The following WDFY3 variants were observed in gnomAD, a reference collection of about 807,000 sequenced individuals.
WDFY3 encodes WD repeat and FYVE domain containing 3.
Under a neutral mutation model 409.6 loss-of-function variants are expected in WDFY3, and 66 were observed. The ratio of observed to expected loss-of-function variants is 0.16; its 90% CI spans 0.13 to 0.20. The LOEUF (loss-of-function observed/expected upper bound fraction) is 0.20. WDFY3 is among the 10% of genes least tolerant of loss of function. WDFY3 has a pLI of 1.00. For missense variants in WDFY3, 3,031 were observed against 4,298.1 expected (o/e 0.71, Z 8.24); for synonymous variants, 1,521 against 1,537.1 (o/e 0.99, Z 0.25).
At chr4:84,830,226 A>G (rs1313362765) in intron 8 of WDFY3, among the ~76,000 whole-genome samples, 1 of 152,180 alleles carries the variant, frequency 6.6e-6, no homozygotes, top group Non-Finnish European at 1.5e-5. Flanking sequence ...CAACTTGATG[A>G]TTTGACTTAA....
At chr4:84,921,858 T>C (rs1298147358) in intron 2 of WDFY3, among the ~76,000 whole-genome samples, 2 of 151,748 alleles carry the variant, frequency 1.3e-5, no homozygotes, top group Non-Finnish European at 2.9e-5. Context: ...GGTTTCACCA[T>C]CTTAGCCAGG....
intron 2 of WDFY3, among the ~76,000 whole-genome samples, chr4:84,916,882 A>G (rs1768561902): frequency 6.6e-6 from 1 of 152,172 alleles, no homozygotes; most frequent in Non-Finnish European, 1.5e-5. Context: ...GCAAACATCT[A>G]TAAGCTCTTT....
intron 64 of WDFY3, 71 bp downstream of exon 64, chr4:84,682,303 A>C: frequency 1.4e-6 from 2 of 1,417,466 alleles, no homozygotes; most frequent in Non-Finnish European, 2.0e-6. Flanking sequence ...GTTGTTTGGT[A>C]TAAGCTTATC....
At chr4:84,957,607 A>C (rs1774404795) in intron 1 of WDFY3, among the ~76,000 whole-genome samples, 1 of 152,226 alleles carries the variant, frequency 6.6e-6, no homozygotes, top group Non-Finnish European at 1.5e-5. Context: ...TCACAGTTTT[A>C]TGACCCTAAT....
At chr4:84,680,542 C>T (rs2148765725) in intron 64 of WDFY3, among the ~76,000 whole-genome samples, 1 of 152,296 alleles carries the variant, frequency 6.6e-6, no homozygotes, top group Admixed American at 6.5e-5. Context: ...TTCTTCACAT[C>T]AACTCTCTAC....
chr4:84,714,035 G>C (rs1388932451), intron 50 of WDFY3, among the ~76,000 whole-genome samples: 1 of 151,924 alleles, frequency 6.6e-6, no homozygotes, highest in African/African-American at 2.4e-5. Context: ...AAAATTGCTT[G>C]AACCTGGGAG....
chr4:84,741,976 C>A, intron 37 of WDFY3, 55 bp from the exon 38 acceptor site: 1 of 1,460,956 alleles, frequency 6.8e-7, no homozygotes, highest in South Asian at 1.4e-5. Flanking sequence ...CAACACAGGA[C>A]CAGATCCTCA....
intron 2 of WDFY3, among the ~76,000 whole-genome samples, chr4:84,920,443 T>C (rs1361832685): frequency 1.3e-5 from 2 of 152,176 alleles, no homozygotes; most frequent in Non-Finnish European, 2.9e-5. Flanking sequence ...AAAGAATAAA[T>C]GTATGCATGC....
intron 15 of WDFY3, among the ~76,000 whole-genome samples, chr4:84,804,354 T>C (rs948980642): frequency 1.3e-5 from 2 of 152,214 alleles, no homozygotes; most frequent in Non-Finnish European, 2.9e-5. Context: ...AATGCAGTTT[T>C]AGCTCTCTGG....
chr4:84,832,466 T>C (rs144549891), intron 7 of WDFY3, among the ~76,000 whole-genome samples: 1 of 152,298 alleles, frequency 6.6e-6, no homozygotes, highest in African/African-American at 2.4e-5. Context: ...TATTTTTAAA[T>C]AGGTAGAAGA....
chr4:84,902,692 T>A (rs1428073441), intron 2 of WDFY3, among the ~76,000 whole-genome samples: 1 of 152,242 alleles, frequency 6.6e-6, no homozygotes, highest in African/African-American at 2.4e-5. Flanking sequence ...TTGATATTCC[T>A]ACTTTTAAAA....
At chr4:84,943,704 AAAAAC>A (rs1172044594) in intron 1 of WDFY3, among the ~76,000 whole-genome samples, 2 of 152,180 alleles carry the variant, frequency 1.3e-5, no homozygotes, top group Non-Finnish European at 2.9e-5. Flanking sequence ...AAATTTATTG[AAAAAC>A]AAAACAAAAC....
At position 84,672,400 on chromosome 4, in the gene WDFY3, G is replaced by A. The variant is rs1334832183; in HGVS notation, c.*468C>T. On this transcript the variant is annotated 3_prime_UTR_variant, in exon 68 of 68. Transcript: ENST00000295888. ...GTTTAGTTTGAAGTTTCATGTTACA[G>A]GCAGTTAAGTCCTTATTTAGAAAAA... is the stretch of plus-strand genomic sequence containing the variant. The A allele has an allele frequency of 6.6e-6, 1 of 152,378 alleles. No homozygotes were observed. Among genetic ancestry groups the A allele is most frequent in the African/African-American group, 2.4e-5 (1 of 41,438 alleles). The allele number at this position is 152,378 out of a possible 1,614,324, so 9.4% of individuals were successfully genotyped here.
chr4:84,785,274 A>G (rs1747350383), intron 24 of WDFY3, among the ~76,000 whole-genome samples: 3 of 151,954 alleles, frequency 2.0e-5, no homozygotes, highest in South Asian at 2.1e-4. Context: ...ATCTGTCTCC[A>G]TGGCAGGTAC....
intron 6 of WDFY3, among the ~76,000 whole-genome samples, chr4:84,840,851 A>T (rs1217540749): frequency 6.6e-6 from 1 of 151,690 alleles, no homozygotes; most frequent in Non-Finnish European, 1.5e-5. Context: ...AAAGTGCTGC[A>T]ATTACAGGTG....
At chr4:84,690,482 G>C in intron 61 of WDFY3, 24 bp downstream of exon 61, 1 of 1,613,866 alleles carries the variant, frequency 6.2e-7, no homozygotes, top group Non-Finnish European at 8.5e-7. Context: ...TGTCCTTCTT[G>C]GCATTTTCTA....
At chr4:84,673,933 T>C (rs1218547906) in intron 67 of WDFY3, among the ~76,000 whole-genome samples, 2 of 152,156 alleles carry the variant, frequency 1.3e-5, no homozygotes, top group East Asian at 3.9e-4. Context: ...TGGAGATTTA[T>C]GTTTAGTCCA....
chr4:84,908,646 T>C (rs192088546), intron 2 of WDFY3, among the ~76,000 whole-genome samples: 4 of 152,310 alleles, frequency 2.6e-5, no homozygotes, highest in Non-Finnish European at 5.9e-5. Context: ...TCTTTGTATA[T>C]TTCAACTTTT....
intron 4 of WDFY3, among the ~76,000 whole-genome samples, chr4:84,852,214 T>C (rs929019817): frequency 2.0e-5 from 3 of 152,188 alleles, no homozygotes; most frequent in African/African-American, 7.2e-5. Context: ...TAAGTGACTA[T>C]TGGGCAGGTG....
Sources: gnomAD v4.1 joint callset for allele counts (sites outside exome capture counted in the v4.1 genomes callset) on GRCh38, gnomAD v4.1.1 for gene constraint, MANE v1.5 for transcripts, NCBI Gene and HGNC (gene_info 2026-07-23, HGNC 2026-07-21) for gene names.